NGEF: variants seen among roughly 807,000 people sequenced by gnomAD.
The protein encoded by NGEF is ephexin-1.
Under a neutral mutation model 80.9 loss-of-function variants are expected in NGEF, and 31 were observed. The ratio of observed to expected loss-of-function variants is 0.38; its 90% CI spans 0.29 to 0.52. NGEF has a LOEUF of 0.52. NGEF is among the 20% of genes least tolerant of loss of function. The pLI is 0.84. For missense variants in NGEF, 709 were observed against 926.2 expected, an observed-to-expected ratio of 0.77 and a Z score of 3.04; for synonymous variants, 371 against 370.2, an observed-to-expected ratio of 1.00 and a Z score of -0.03.
At chr2:232,997,495 G>A (rs888371051) in intron 1 of NGEF, among the ~76,000 whole-genome samples, 1 of 151,998 alleles carries the variant, frequency 6.6e-6, no homozygotes, top group Non-Finnish European at 1.5e-5. Flanking sequence ...GGCACCTTTG[G>A]GAATATGCAC....
chr2:232,900,001 C>G (rs1238916093), intron 5 of NGEF, among the ~76,000 whole-genome samples: 1 of 142,700 alleles, frequency 7.0e-6, no homozygotes, highest in East Asian at 2.1e-4. Flanking sequence ...CACACACGCT[C>G]TCACAGTCAC....
At chr2:232,945,710 GT>G (rs1693543385) in intron 3 of NGEF, among the ~76,000 whole-genome samples, 1 of 152,100 alleles carries the variant, frequency 6.6e-6, no homozygotes, top group African/African-American at 2.4e-5. Flanking sequence ...GCAAATTTTT[GT>G]TGTTTAAAAG....
intron 3 of NGEF, among the ~76,000 whole-genome samples, chr2:232,953,528 T>G (rs901819818): frequency 2.2e-4 from 34 of 151,264 alleles, no homozygotes; most frequent in Admixed American, 2.0e-4. Flanking sequence ...AAGAAAAAGT[T>G]TAACATACAT....
At chr2:232,991,014 G>T (rs993071347) in intron 1 of NGEF, among the ~76,000 whole-genome samples, 3 of 149,856 alleles carry the variant, frequency 2.0e-5, no homozygotes, top group Non-Finnish European at 2.9e-5. Flanking sequence ...ACATCAAATA[G>T]TATTTGACAA....
chr2:233,000,307 G>A (rs1280753403), intron 1 of NGEF, among the ~76,000 whole-genome samples: 3 of 152,138 alleles, frequency 2.0e-5, no homozygotes, highest in Non-Finnish European at 2.9e-5. Flanking sequence ...CATGTTGCCA[G>A]GCTGATCTTG....
intron 11 of NGEF, among the ~76,000 whole-genome samples, chr2:232,883,734 T>C (rs1293422705): frequency 6.6e-6 from 1 of 152,188 alleles, no homozygotes; most frequent in Non-Finnish European, 1.5e-5. Context: ...TATCAGACAC[T>C]GGGCTGGGCC....
chr2:232,918,006 T>C (rs943078781), intron 5 of NGEF, among the ~76,000 whole-genome samples: 1 of 152,008 alleles, frequency 6.6e-6, no homozygotes, highest in South Asian at 2.1e-4. Context: ...CAGGCTGGGG[T>C]GCAGTTGCGC....
At chr2:233,004,631 G>A (rs1452544190) in intron 1 of NGEF, among the ~76,000 whole-genome samples, 2 of 152,092 alleles carry the variant, frequency 1.3e-5, no homozygotes, top group African/African-American at 2.4e-5. Context: ...AGTGCATCAC[G>A]TCACACCCAT....
chr2:232,908,966 CCA>C (rs1259911268), intron 5 of NGEF, among the ~76,000 whole-genome samples: 1 of 152,124 alleles, frequency 6.6e-6, no homozygotes, highest in Non-Finnish European at 1.5e-5. Context: ...CTTATCACGT[CCA>C]GTGTTTTTAT....
intron 5 of NGEF, among the ~76,000 whole-genome samples, chr2:232,903,620 A>G (rs1692417905): frequency 6.6e-6 from 1 of 152,214 alleles, no homozygotes. Flanking sequence ...CTACTTTGCT[A>G]CTTTGTTAAA....
intron 2 of NGEF, among the ~76,000 whole-genome samples, chr2:232,970,817 A>C (rs569170287): frequency 6.6e-6 from 1 of 152,316 alleles, no homozygotes; most frequent in South Asian, 2.1e-4. Context: ...GAAAATTATA[A>C]TGATGATTTA....
chr2:232,910,455 T>TGG (rs1335534810), intron 5 of NGEF, among the ~76,000 whole-genome samples: 15 of 25,528 alleles, frequency 5.9e-4, no homozygotes, highest in African/African-American at 2.1e-3. Flanking sequence ...AGGTGGGGGG[T>TGG]GGGGGGGGTA....
intron 1 of NGEF, among the ~76,000 whole-genome samples, chr2:232,991,370 A>G (rs549621636): frequency 5.3e-5 from 8 of 152,202 alleles, no homozygotes; most frequent in African/African-American, 1.7e-4. Context: ...CCAGAAAACT[A>G]TTGGAACTAA....
intron 3 of NGEF, among the ~76,000 whole-genome samples, chr2:232,931,982 C>G (rs887160715): frequency 1.3e-5 from 2 of 152,134 alleles, no homozygotes; most frequent in African/African-American, 4.8e-5. Flanking sequence ...GGCCCTTTCT[C>G]CAGTGTCCAG....
intron 1 of NGEF, among the ~76,000 whole-genome samples, chr2:232,986,732 A>C (rs1390647529): frequency 6.6e-6 from 1 of 152,220 alleles, no homozygotes; most frequent in Non-Finnish European, 1.5e-5. Flanking sequence ...GATGTGGGTC[A>C]AAGGGTAAAA....
At chr2:232,962,800 G>A (rs773443466) in intron 3 of NGEF, among the ~76,000 whole-genome samples, 1 of 148,404 alleles carries the variant, frequency 6.7e-6, no homozygotes, top group Non-Finnish European at 1.5e-5. Context: ...TGAAAGATTA[G>A]GACATGTTCA....
chr2:232,968,253 T>A (rs1407852672), intron 3 of NGEF, among the ~76,000 whole-genome samples: 1 of 151,436 alleles, frequency 6.6e-6, no homozygotes, highest in East Asian at 2.0e-4. Context: ...CATGCCTGGC[T>A]AATTTTGTAT....
chr2:232,886,622 TAAA>T lies in NGEF; in HGVS notation c.1348-1256_1348-1254del, dbSNP rs11363151. Among the ~76,000 whole-genome samples the T allele has an allele frequency of 6.1e-3, 923 of 151,602 alleles. 13 individuals are homozygous for T. The highest frequency in any genetic ancestry group is 0.02 in the African/African-American group (829 of 41,322). On this transcript the variant is annotated intron_variant, in intron 9 of 14. Coordinates refer to ENST00000264051, the MANE Select transcript of NGEF (RefSeq NM_019850.3). ...CAGAGAAAAAATAAACCTTCATTTT[TAAA>T]AAAAAAAGCTATTAGAAACAGAGAA...
chr2:232,940,907 C>T (rs1208643573), intron 3 of NGEF, among the ~76,000 whole-genome samples: 2 of 152,196 alleles, frequency 1.3e-5, no homozygotes, highest in African/African-American at 2.4e-5. Flanking sequence ...AAGGGGTTCA[C>T]CTTGCTGGCT....
Sources: allele counts gnomAD v4.1 joint callset (sites outside exome capture counted in the v4.1 genomes callset), GRCh38; gene constraint gnomAD v4.1.1; transcripts MANE v1.5; gene names NCBI Gene and HGNC (gene_info 2026-07-23, HGNC 2026-07-21).